The following STIMATE variants were observed in gnomAD, a reference collection of about 807,000 sequenced individuals.
STIMATE encodes STIM activating enhancer, also known as store-operated calcium entry regulator STIMATE.
In STIMATE, 15 loss-of-function variants were observed where a neutral mutation model predicts 36.7. That is an observed-to-expected ratio of 0.41 (90% CI 0.27 to 0.63). STIMATE has a LOEUF of 0.63. Among genes scored for constraint, STIMATE ranks in the 20% least tolerant of loss-of-function variants. The probability of loss-of-function intolerance (pLI) is 0.32; values close to 1 mark genes in which losing one functional copy is unlikely to be tolerated. For missense variants in STIMATE, 305 were observed against 397.3 expected (o/e 0.77, Z 1.98); for synonymous variants, 163 against 162.3 (o/e 1.00, Z -0.03).
intron 4 of STIMATE, among the ~76,000 whole-genome samples, chr3:52,848,897 A>G (rs1700951966): frequency 6.6e-6 from 1 of 152,208 alleles, no homozygotes; most frequent in Non-Finnish European, 1.5e-5. Context: ...CCCTGCCCTG[A>G]GCTCATCTCC....
rs574166011 is a variant in STIMATE at position 52,866,695 on chromosome 3, G to A, written c.161-11251C>T. Among the ~76,000 whole-genome samples the A allele has an allele frequency of 3.3e-5, 5 of 152,330 alleles. No individual in the cohort carries two copies. The South Asian group carries it at 8.3e-4, about 25-fold the overall frequency. ...AGGGCGGGGACCAGGCACCCAGCTC[G>A]ACTGTCCTCCTCAGAGCCCGATCTG... On this transcript the variant is annotated intron_variant, in intron 1 of 7. Transcript: ENST00000355083.
chr3:52,884,136 A>G (rs948799305), intron 1 of STIMATE, among the ~76,000 whole-genome samples: 2 of 152,228 alleles, frequency 1.3e-5, no homozygotes, highest in South Asian at 2.1e-4. Flanking sequence ...TAAAACTTAC[A>G]TAACAAAAAT....
intron 1 of STIMATE, among the ~76,000 whole-genome samples, chr3:52,892,738 T>C (rs1701802072): frequency 6.6e-6 from 1 of 152,234 alleles, no homozygotes; most frequent in African/African-American, 2.4e-5. Context: ...GATGTACCTT[T>C]ACGAGGGAGA....
At chr3:52,878,669 T>C (rs749035605) in intron 1 of STIMATE, among the ~76,000 whole-genome samples, 1 of 152,252 alleles carries the variant, frequency 6.6e-6, no homozygotes, top group Non-Finnish European at 1.5e-5. Flanking sequence ...ATTTTTATTC[T>C]GATAGCATCG....
intron 1 of STIMATE, among the ~76,000 whole-genome samples, chr3:52,880,520 G>A (rs1323569504): frequency 2.0e-5 from 3 of 152,198 alleles, no homozygotes; most frequent in Non-Finnish European, 1.5e-5. Flanking sequence ...GCAGGTGGCT[G>A]GGGAAAAACC....
At chr3:52,887,048 A>T (rs1474461390) in intron 1 of STIMATE, among the ~76,000 whole-genome samples, 9 of 152,254 alleles carry the variant, frequency 5.9e-5, no homozygotes, top group Non-Finnish European at 1.2e-4. Context: ...CAATGTGGCA[A>T]TTAAATGTCA....
chr3:52,879,897 C>G (rs1319041578), intron 1 of STIMATE, among the ~76,000 whole-genome samples: 1 of 152,168 alleles, frequency 6.6e-6, no homozygotes, highest in Non-Finnish European at 1.5e-5. Flanking sequence ...GGCTCTGAAC[C>G]CTAGCTACAT....
At chr3:52,864,741 C>T (rs568991751) in intron 1 of STIMATE, among the ~76,000 whole-genome samples, 72 of 152,248 alleles carry the variant, frequency 4.7e-4, no homozygotes, top group Admixed American at 1.2e-3. Context: ...CCTCCAGATA[C>T]CCTAAATCAT....
intron 1 of STIMATE, among the ~76,000 whole-genome samples, chr3:52,869,584 G>C (rs1384181901): frequency 1.3e-5 from 2 of 152,226 alleles, no homozygotes; most frequent in East Asian, 1.9e-4. Flanking sequence ...CACATCTTTG[G>C]ACAACACTTC....
intron 2 of STIMATE, 34 bp downstream of exon 2, chr3:52,855,362 G>T: frequency 1.4e-5 from 19 of 1,334,870 alleles, no homozygotes; most frequent in Non-Finnish European, 1.7e-5. Context: ...ATAGTCAAAA[G>T]CACTCCAGAA....
chr3:52,875,642 G>C (rs1378169520), intron 1 of STIMATE, among the ~76,000 whole-genome samples: 1 of 152,200 alleles, frequency 6.6e-6, no homozygotes, highest in African/African-American at 2.4e-5. Context: ...TGGAAGGAAA[G>C]GGTGGGAGTC....
chr3:52,873,379 G>T (rs1384088767), intron 1 of STIMATE, among the ~76,000 whole-genome samples: 2 of 152,172 alleles, frequency 1.3e-5, no homozygotes, highest in Admixed American at 6.5e-5. Context: ...ATTGATTTTT[G>T]CCCAGATTAG....
chr3:52,892,012 C>A (rs1701791457), intron 1 of STIMATE, among the ~76,000 whole-genome samples: 1 of 152,206 alleles, frequency 6.6e-6, no homozygotes, highest in African/African-American at 2.4e-5. Flanking sequence ...AGGGGCACCA[C>A]ATGGCAGAGC....
chr3:52,844,691 A>C (rs1700863293), intron 5 of STIMATE, 138 bp downstream of exon 5: 2 of 903,128 alleles, frequency 2.2e-6, no homozygotes, highest in Non-Finnish European at 3.3e-6. Flanking sequence ...AGTAGTTGCC[A>C]CATCAGACCA....
chr3:52,868,834 G>A (rs1020097021), intron 1 of STIMATE, among the ~76,000 whole-genome samples: 1 of 152,094 alleles, frequency 6.6e-6, no homozygotes, highest in Non-Finnish European at 1.5e-5. Context: ...TGTCTAGGAT[G>A]GTCTCGAATT....
chr3:52,841,016 G>A (rs1052996119), intron 7 of STIMATE, among the ~76,000 whole-genome samples: 4 of 152,142 alleles, frequency 2.6e-5, no homozygotes, highest in Non-Finnish European at 5.9e-5. Context: ...AAGTCTTAAT[G>A]TTTCTTTACA....
Position 52,864,023 on chromosome 3 carries a change from C to T in STIMATE, c.161-8579G>A, listed in dbSNP as rs146986877. The stretch of plus-strand genomic sequence containing the variant: ...GTCTGCAGGTTTTCCAGGCTAACAG[C>T]GCAAGCTGTTGGTGGATCTACCATT... On this transcript the variant is annotated intron_variant, in intron 1 of 7. Transcript: ENST00000355083. Among the ~76,000 whole-genome samples, 1,240 of 152,332 alleles carry T rather than the reference C, an allele frequency of 8.1e-3. 11 individuals are homozygous for T. The highest frequency in any genetic ancestry group is 0.014 in the Non-Finnish European group (919 of 68,038).
At chr3:52,876,591 T>C (rs532251776) in intron 1 of STIMATE, among the ~76,000 whole-genome samples, 3 of 152,324 alleles carry the variant, frequency 2.0e-5, no homozygotes, top group Admixed American at 6.5e-5. Flanking sequence ...AATTTGAAGA[T>C]CAAGAGGATG....
chr3:52,854,218 C>G (rs554517147), intron 2 of STIMATE, among the ~76,000 whole-genome samples: 5 of 152,262 alleles, frequency 3.3e-5, no homozygotes, highest in South Asian at 2.1e-4. Context: ...ATACGAGCAC[C>G]TAAACCTCAT....
Sources: allele counts gnomAD v4.1 joint callset (sites outside exome capture counted in the v4.1 genomes callset), GRCh38; gene constraint gnomAD v4.1.1; transcripts MANE v1.5; gene names NCBI Gene and HGNC (gene_info 2026-07-23, HGNC 2026-07-21).